CDH12: variants seen among roughly 807,000 people sequenced by gnomAD.
CDH12 encodes the protein cadherin-12.
A neutral mutation model predicts 74.1 loss-of-function variants in CDH12; 41 were observed. The ratio of observed to expected loss-of-function variants is 0.55; its 90% CI spans 0.43 to 0.72. The LOEUF (loss-of-function observed/expected upper bound fraction) is 0.72. Ranked by LOEUF, CDH12 falls within the 30% of genes least tolerant of loss-of-function variation. The pLI, the probability that CDH12 is intolerant of heterozygous loss-of-function variation, is 0.00. For synonymous variants in CDH12, 399 were observed against 355.0 expected (o/e 1.12, Z -1.39); for missense variants, 945 against 977.2 (o/e 0.97, Z 0.44).
intron 3 of CDH12, among the ~76,000 whole-genome samples, chr5:22,329,038 T>TGTC (rs1739241223): frequency 6.6e-6 from 1 of 151,850 alleles, no homozygotes; most frequent in African/African-American, 2.4e-5. Flanking sequence ...AAGAGAGAAT[T>TGTC]TAAAGAAAGA....
chr5:22,217,298 C>T (rs537115454), intron 3 of CDH12, among the ~76,000 whole-genome samples: 7 of 151,740 alleles, frequency 4.6e-5, no homozygotes, highest in African/African-American at 1.7e-4. Flanking sequence ...TGTTAGCCAT[C>T]CTCTCTATTG....
chr5:22,591,970 A>G (rs974796145), intron 1 of CDH12, among the ~76,000 whole-genome samples: 1 of 102,062 alleles, frequency 9.8e-6, no homozygotes, highest in African/African-American at 3.9e-5. Flanking sequence ...TGTGACCACC[A>G]TGTGAACCCT....
Position 21,751,126 on chromosome 5 carries a change from A to G in CDH12, c.*611T>C, listed in dbSNP as rs1744021860. On this transcript the variant is annotated 3_prime_UTR_variant, in exon 15 of 15. Transcript: ENST00000382254. Reference sequence around the variant, plus strand: ...AGGATAAACAAATACGTTTTAGCATACAGTTTAAAAAAGAAAAAGAAAACC... The same window carrying G: ...AGGATAAACAAATACGTTTTAGCATGCAGTTTAAAAAAGAAAAAGAAAACC... The G allele has an allele frequency of 6.5e-6, 1 of 152,688 alleles. No individual in the cohort carries two copies. Among genetic ancestry groups the G allele is most frequent in the African/African-American group, 2.4e-5 (1 of 41,440 alleles). 9.5% of individuals were successfully genotyped at this position (152,688 alleles called of 1,614,324 possible).
rs182981672 is a variant in CDH12 at position 22,116,376 on chromosome 5, C to T, written c.-186-37514G>A. 3.4e-3 allele frequency among the ~76,000 whole-genome samples: 522 copies of T among 152,186 alleles called. 2 individuals carry two copies. The highest frequency in any genetic ancestry group is 5.4e-3 in the Non-Finnish European group (369 of 67,990). On this transcript the variant is annotated intron_variant, in intron 4 of 14. Coordinates refer to ENST00000382254, the MANE Select transcript of CDH12 (RefSeq NM_004061.5). ...ATTTAAGAAAAGAATCTGGCCGAGA[C>T]GGGCGGGTCACGAGGTCAGGAGATA... is the stretch of plus-strand genomic sequence containing the variant.
At chr5:22,015,339 C>A (rs914572303) in intron 5 of CDH12, among the ~76,000 whole-genome samples, 2 of 152,056 alleles carry the variant, frequency 1.3e-5, no homozygotes, top group African/African-American at 4.8e-5. Flanking sequence ...CAGAATACAA[C>A]AGCTTAACTT....
intron 3 of CDH12, among the ~76,000 whole-genome samples, chr5:22,252,014 T>C (rs1026126094): frequency 6.6e-6 from 1 of 152,102 alleles, no homozygotes; most frequent in Non-Finnish European, 1.5e-5. Context: ...GAATTACTGT[T>C]CATATTTTTT....
At chr5:22,023,923 T>C (rs1299520047) in intron 5 of CDH12, among the ~76,000 whole-genome samples, 1 of 152,066 alleles carries the variant, frequency 6.6e-6, no homozygotes, top group East Asian at 1.9e-4. Flanking sequence ...ACAGAAGATG[T>C]GGAAGATCAG....
At chr5:21,807,567 T>G (rs1245107061) in intron 9 of CDH12, among the ~76,000 whole-genome samples, 7 of 152,118 alleles carry the variant, frequency 4.6e-5, no homozygotes, top group African/African-American at 1.7e-4. Flanking sequence ...AAATAAGCAA[T>G]TTTTTGGCAT....
At chr5:22,325,789 T>A (rs1456374323) in intron 3 of CDH12, among the ~76,000 whole-genome samples, 1 of 152,036 alleles carries the variant, frequency 6.6e-6, no homozygotes, top group East Asian at 1.9e-4. Context: ...TCATCTGTAG[T>A]CCCAGCTGCT....
At chr5:22,008,130 T>C (rs1212688344) in intron 5 of CDH12, among the ~76,000 whole-genome samples, 1 of 152,194 alleles carries the variant, frequency 6.6e-6, no homozygotes, top group Non-Finnish European at 1.5e-5. Context: ...CACCATATAT[T>C]TGTTGGCTGT....
chr5:21,910,097 T>A (rs533578148), intron 6 of CDH12, among the ~76,000 whole-genome samples: 19 of 152,234 alleles, frequency 1.2e-4, no homozygotes, highest in Middle Eastern at 6.8e-3. Flanking sequence ...TAGCAGTCAT[T>A]CCCCATTTAG....
chr5:22,295,220 T>G (rs1281880218), intron 3 of CDH12, among the ~76,000 whole-genome samples: 1 of 152,114 alleles, frequency 6.6e-6, no homozygotes, highest in Non-Finnish European at 1.5e-5. Flanking sequence ...TTAATTTCTT[T>G]TCTTTTTTTT....
At chr5:22,309,134 A>ACATGGACAC (rs1444260966) in intron 3 of CDH12, among the ~76,000 whole-genome samples, 1 of 152,188 alleles carries the variant, frequency 6.6e-6, no homozygotes. Flanking sequence ...ATAAATACAA[A>ACATGGACAC]GGTTAACTCA....
At chr5:22,414,470 TACAATAATTGATAG>T (rs1192839071) in intron 2 of CDH12, among the ~76,000 whole-genome samples, 2 of 152,002 alleles carry the variant, frequency 1.3e-5, no homozygotes, top group Admixed American at 6.6e-5. Flanking sequence ...CATATTTCTA[TACAATAATTGATAG>T]ACAATAATAG....
At chr5:22,346,731 A>G (rs1030783483) in intron 3 of CDH12, among the ~76,000 whole-genome samples, 8 of 152,188 alleles carry the variant, frequency 5.3e-5, no homozygotes, top group Admixed American at 2.6e-4. Context: ...TTGATTGCCC[A>G]CTACGAGCTC....
At chr5:22,085,782 C>T (rs1743022709) in intron 4 of CDH12, among the ~76,000 whole-genome samples, 1 of 152,040 alleles carries the variant, frequency 6.6e-6, no homozygotes, top group Admixed American at 6.6e-5. Flanking sequence ...TAATGTTATT[C>T]TTCACCTTGA....
At chr5:22,087,071 C>T (rs996330753) in intron 4 of CDH12, among the ~76,000 whole-genome samples, 8 of 151,944 alleles carry the variant, frequency 5.3e-5, no homozygotes, top group Admixed American at 5.2e-4. Flanking sequence ...ACTGTCAAAG[C>T]CAAGAGGAGC....
At chr5:21,854,920 A>T in intron 6 of CDH12, 130 bp from the exon 7 acceptor site, 2 of 655,872 alleles carry the variant, frequency 3.0e-6, no homozygotes, top group East Asian at 5.8e-5. Context: ...ACATGATGTC[A>T]CTGAGGATAG....
In CDH12 at chr5:22,282,519, A is replaced by T. The variant is rs1283013107; in HGVS notation, c.-332-69876T>A. On this transcript the variant is annotated intron_variant, in intron 3 of 14. Coordinates refer to ENST00000382254, the MANE Select transcript of CDH12 (RefSeq NM_004061.5). ...ACCTGACAAAGGGCTAATATCCAGA[A>T]TCTACAAGGAACTTAAATTTACAAG... 2.0e-5 allele frequency among the ~76,000 whole-genome samples: 3 copies of T among 152,128 alleles called. No homozygotes were observed. In the East Asian group the frequency reaches 5.8e-4, roughly 29 times the overall value.
Sources: gnomAD v4.1 joint callset for allele counts (sites outside exome capture counted in the v4.1 genomes callset) on GRCh38, gnomAD v4.1.1 for gene constraint, MANE v1.5 for transcripts, NCBI Gene and HGNC (gene_info 2026-07-23, HGNC 2026-07-21) for gene names.